The following POU6F2 variants were observed in gnomAD, a reference collection of about 807,000 sequenced individuals.
The protein encoded by POU6F2 is POU class 6 homeobox 2.
A neutral mutation model predicts 71.3 loss-of-function variants in POU6F2; 31 were observed. The observed-to-expected ratio is 0.43, with a 90% CI of 0.33 to 0.59. The LOEUF is 0.59. Among genes scored for constraint, POU6F2 ranks in the 20% least tolerant of loss-of-function variants. The pLI is 0.04. For synonymous variants in POU6F2, 347 were observed against 355.7 expected (o/e 0.98, Z 0.27); for missense variants, 783 against 856.8 (o/e 0.91, Z 1.07).
At chr7:39,321,270 T>C (rs1359879476) in intron 4 of POU6F2, among the ~76,000 whole-genome samples, 2 of 152,074 alleles carry the variant, frequency 1.3e-5, no homozygotes, top group Non-Finnish European at 2.9e-5. Flanking sequence ...TATACCTACT[T>C]TGTGTAAATG....
intron 5 of POU6F2, among the ~76,000 whole-genome samples, chr7:39,392,111 A>G (rs934931291): frequency 5.3e-5 from 8 of 152,234 alleles, no homozygotes; most frequent in African/African-American, 1.9e-4. Context: ...TTTAGTTAAT[A>G]CATTTATTTA....
intron 1 of POU6F2, among the ~76,000 whole-genome samples, chr7:39,048,394 G>C (rs1790334919): frequency 6.6e-6 from 1 of 151,652 alleles, no homozygotes; most frequent in Non-Finnish European, 1.5e-5. Flanking sequence ...CCCAGTGTCT[G>C]TTGTTCCCCT....
At chr7:39,164,979 A>G (rs1793081845) in intron 2 of POU6F2, among the ~76,000 whole-genome samples, 1 of 152,050 alleles carries the variant, frequency 6.6e-6, no homozygotes. Context: ...GCCACCCATT[A>G]TTTTTATTTC....
At chr7:39,433,381 C>A in intron 7 of POU6F2, 98 bp downstream of exon 7, 1 of 1,336,324 alleles carries the variant, frequency 7.5e-7, no homozygotes, top group Non-Finnish European at 1.0e-6. Context: ...TTTTACATTA[C>A]AAAATAGTTG....
intron 4 of POU6F2, among the ~76,000 whole-genome samples, chr7:39,241,471 G>A (rs969201607): frequency 6.6e-6 from 1 of 152,184 alleles, no homozygotes; most frequent in African/African-American, 2.4e-5. Context: ...TGGTGAAGGT[G>A]TCACTCGGAT....
chr7:39,200,455 C>T (rs934239975), intron 2 of POU6F2, among the ~76,000 whole-genome samples: 2 of 152,142 alleles, frequency 1.3e-5, no homozygotes, highest in African/African-American at 4.8e-5. Flanking sequence ...CCTGATTATG[C>T]TACCATGGAC....
chr7:39,273,678 T>A (rs1472482605), intron 4 of POU6F2, among the ~76,000 whole-genome samples: 1 of 151,844 alleles, frequency 6.6e-6, no homozygotes, highest in African/African-American at 2.4e-5. Flanking sequence ...GGTTTCTTGG[T>A]TTGTTTTTTT....
In POU6F2 at chr7:39,043,722, C is replaced by T. The variant is rs115446636; in HGVS notation, c.106-42138C>T. Among the ~76,000 whole-genome samples, 583 of 151,958 alleles carry T rather than the reference C, an allele frequency of 3.8e-3. 7 individuals are homozygous for T. Among genetic ancestry groups the T allele is most frequent in the African/African-American group, 0.013 (551 of 41,484 alleles). ...CAGTAATCAAGGAGTTGTTATTAGCCGTTGTCTTGCTTGAATAGTCACAGA... is the reference window on the plus strand; with the variant it reads ...CAGTAATCAAGGAGTTGTTATTAGCTGTTGTCTTGCTTGAATAGTCACAGA... On this transcript the variant is annotated intron_variant, in intron 1 of 9. Transcript: ENST00000518318.
chr7:39,042,234 T>C (rs1354866567), intron 1 of POU6F2, among the ~76,000 whole-genome samples: 2 of 152,012 alleles, frequency 1.3e-5, no homozygotes, highest in Admixed American at 6.6e-5. Flanking sequence ...GCAAATTAAA[T>C]GAATGGTGAC....
intron 6 of POU6F2, among the ~76,000 whole-genome samples, chr7:39,412,337 A>T (rs535493633): frequency 1.3e-5 from 2 of 152,382 alleles, no homozygotes; most frequent in South Asian, 4.1e-4. Flanking sequence ...TCATTTAAAT[A>T]CATGAGAATC....
At chr7:39,413,101 G>A (rs1302409894) in intron 6 of POU6F2, among the ~76,000 whole-genome samples, 1 of 151,576 alleles carries the variant, frequency 6.6e-6, no homozygotes, top group Non-Finnish European at 1.5e-5. Context: ...ACCGCGCCCG[G>A]CCTTCTTGCT....
At chr7:39,384,716 T>C (rs1443633406) in intron 5 of POU6F2, among the ~76,000 whole-genome samples, 2 of 152,210 alleles carry the variant, frequency 1.3e-5, no homozygotes, top group Non-Finnish European at 1.5e-5. Context: ...GACCACACAA[T>C]TGAAAGTATC....
chr7:39,141,877 G>A (rs1170318120), intron 2 of POU6F2, among the ~76,000 whole-genome samples: 1 of 152,112 alleles, frequency 6.6e-6, no homozygotes, highest in Non-Finnish European at 1.5e-5. Flanking sequence ...CACGAGGTCA[G>A]GAGATCAAGA....
At chr7:39,229,856 G>T (rs1794541857) in intron 4 of POU6F2, among the ~76,000 whole-genome samples, 1 of 152,158 alleles carries the variant, frequency 6.6e-6, no homozygotes, top group Non-Finnish European at 1.5e-5. Flanking sequence ...ACGTTTTGAG[G>T]ATCTCGATGT....
intron 2 of POU6F2, among the ~76,000 whole-genome samples, chr7:39,174,064 T>C (rs956464580): frequency 2.6e-5 from 4 of 152,198 alleles, no homozygotes; most frequent in Non-Finnish European, 5.9e-5. Flanking sequence ...GCCTCAGTGG[T>C]TCTGCCATAG....
At chr7:39,119,970 G>C (rs1792008140) in intron 2 of POU6F2, among the ~76,000 whole-genome samples, 1 of 152,176 alleles carries the variant, frequency 6.6e-6, no homozygotes, top group African/African-American at 2.4e-5. Flanking sequence ...GCTCTCATTT[G>C]ATGCTGTTTG....
At chr7:39,265,706 T>C (rs1405053660) in intron 4 of POU6F2, among the ~76,000 whole-genome samples, 1 of 152,250 alleles carries the variant, frequency 6.6e-6, no homozygotes, top group Non-Finnish European at 1.5e-5. Flanking sequence ...CATCTCGCTT[T>C]GACTCCATTA....
intron 2 of POU6F2, among the ~76,000 whole-genome samples, chr7:39,141,663 T>G (rs1792505535): frequency 6.6e-6 from 1 of 152,232 alleles, no homozygotes; most frequent in South Asian, 2.1e-4. Context: ...TGGTCTTAAA[T>G]TTCTTTTCTC....
chr7:39,161,343 A>G (rs1792994060), intron 2 of POU6F2, among the ~76,000 whole-genome samples: 1 of 152,214 alleles, frequency 6.6e-6, no homozygotes. Flanking sequence ...ACGCTACTTG[A>G]GTCACTTCCG....
Sources: allele counts gnomAD v4.1 joint callset (sites outside exome capture counted in the v4.1 genomes callset), GRCh38; gene constraint gnomAD v4.1.1; transcripts MANE v1.5; gene names NCBI Gene and HGNC (gene_info 2026-07-23, HGNC 2026-07-21).